The following PHF24 variants were observed in gnomAD, a reference collection of about 807,000 sequenced individuals.
The protein encoded by PHF24 is PHD finger protein 24.
In PHF24, 25 loss-of-function variants were observed where a neutral mutation model predicts 42.6. The ratio of observed to expected loss-of-function variants is 0.59; its 90% CI spans 0.43 to 0.82. PHF24 has a LOEUF of 0.82. PHF24 is among the 40% of genes least tolerant of loss of function. The pLI is 0.00. For synonymous variants in PHF24, 185 were observed against 204.8 expected (o/e 0.90, Z 0.83); for missense variants, 470 against 538.1 (o/e 0.87, Z 1.25).
chr9:34,941,392 A>G, the PHF24 span, among the ~76,000 whole-genome samples: 1 of 152,152 alleles, frequency 6.6e-6, no homozygotes, highest in East Asian at 1.9e-4. Flanking sequence ...TCATGTCTGG[A>G]TGCTAATGCT....
the PHF24 span, among the ~76,000 whole-genome samples, chr9:34,747,068 A>AT: frequency 1.3e-5 from 2 of 152,192 alleles, no homozygotes; most frequent in Non-Finnish European, 2.9e-5. Context: ...GAAGGGGAAA[A>AT]ATATATATAC....
the PHF24 span, among the ~76,000 whole-genome samples, chr9:34,823,056 C>T: frequency 0.011 from 1,684 of 151,206 alleles, 31 homozygotes; most frequent in African/African-American, 0.037. Flanking sequence ...ATTAGCCGGG[C>T]GCGGTGGCGG....
the PHF24 span, among the ~76,000 whole-genome samples, chr9:34,926,008 G>A: frequency 6.6e-6 from 1 of 152,210 alleles, no homozygotes; most frequent in Non-Finnish European, 1.5e-5. This position sits in a 1 kb window ranked among gnomAD's most constrained non-coding sequence, Gnocchi z 4.3. Context: ...TTGGTTTTAG[G>A]AAGATACAGT....
chr9:34,873,692 T>C, the PHF24 span, among the ~76,000 whole-genome samples: 20 of 149,712 alleles, frequency 1.3e-4, no homozygotes, highest in Non-Finnish European at 2.2e-4. Context: ...GTGTGGGCTC[T>C]TTTTTGGTTC....
At chr9:34,699,089 T>C in the PHF24 span, among the ~76,000 whole-genome samples, 4 of 152,242 alleles carry the variant, frequency 2.6e-5, no homozygotes, top group African/African-American at 9.6e-5. Flanking sequence ...AATCATATAG[T>C]TGGATGTGCA....
At chr9:34,820,538 C>T in the PHF24 span, among the ~76,000 whole-genome samples, 1 of 152,146 alleles carries the variant, frequency 6.6e-6, no homozygotes, top group Admixed American at 6.5e-5. Context: ...CTTCCAGCTC[C>T]TCCATGTCCC....
chr9:34,934,384 C>T, the PHF24 span, among the ~76,000 whole-genome samples: 10 of 152,164 alleles, frequency 6.6e-5, no homozygotes, highest in Non-Finnish European at 1.3e-4. Flanking sequence ...TATCTCTATT[C>T]TGTGTGCAGC....
At chr9:34,846,822 A>T in the PHF24 span, among the ~76,000 whole-genome samples, 1 of 152,202 alleles carries the variant, frequency 6.6e-6, no homozygotes, top group African/African-American at 2.4e-5. Flanking sequence ...ACATATGGCT[A>T]GCCAGTTTTC....
At chr9:34,760,371 A>G in the PHF24 span, among the ~76,000 whole-genome samples, 10 of 152,226 alleles carry the variant, frequency 6.6e-5, no homozygotes, top group Non-Finnish European at 7.3e-5. Flanking sequence ...AAGCCTTATG[A>G]AAGAGCTTCG....
At chr9:34,680,627 G>A in the PHF24 span, among the ~76,000 whole-genome samples, 1 of 147,002 alleles carries the variant, frequency 6.8e-6, no homozygotes, top group African/African-American at 2.5e-5. Context: ...GGCGGAGCTT[G>A]CAGTGAGCCG....
At chr9:34,721,399 T>TTCTCTCTCTCTC in the PHF24 span, among the ~76,000 whole-genome samples, 678 of 139,322 alleles carry the variant, frequency 4.9e-3, 14 homozygotes, top group African/African-American at 0.018. Flanking sequence ...TGTCTTTCCA[T>TTCTCTCTCTCTC]TCTCTCTCTC....
At chr9:34,700,675 A>T in the PHF24 span, among the ~76,000 whole-genome samples, 46 of 152,274 alleles carry the variant, frequency 3.0e-4, no homozygotes, top group African/African-American at 1.1e-3. Flanking sequence ...AGCTGAAGAC[A>T]CACATTTGGG....
At position 34,977,064 on chromosome 9, in the gene PHF24, C is replaced by G. The variant is rs1827217226; in HGVS notation, c.850-19C>G. On this transcript the variant is annotated intron_variant, in intron 5 of 7. Transcript: ENST00000242315. ...TACAAGATATCTTCACCTCTAAGAT[C>G]TTGTCTCTTCTTCCCCAGAACTCTC... The G allele has an allele frequency of 1.3e-6, 2 of 1,571,204 alleles. No homozygotes were observed. The highest frequency in any genetic ancestry group is 4.5e-5 in the East Asian group (2 of 44,220).
chr9:34,879,184 T>A, the PHF24 span, among the ~76,000 whole-genome samples: 5 of 151,974 alleles, frequency 3.3e-5, no homozygotes, highest in African/African-American at 1.2e-4. Flanking sequence ...AGAAAGAACA[T>A]CCACACCAAA....
At chr9:34,832,803 T>C in the PHF24 span, 3 of 1,551,500 alleles carry the variant, frequency 1.9e-6, no homozygotes, top group African/African-American at 4.1e-5. Context: ...AGGCTGACCC[T>C]GTGAAGCTGG....
At chr9:34,671,469 T>C in the PHF24 span, among the ~76,000 whole-genome samples, 4 of 152,242 alleles carry the variant, frequency 2.6e-5, no homozygotes, top group African/African-American at 9.6e-5. Flanking sequence ...GCACTTGCAC[T>C]GCAGCCAAGG....
the PHF24 span, among the ~76,000 whole-genome samples, chr9:34,901,959 A>T: frequency 6.6e-5 from 10 of 152,220 alleles, no homozygotes; most frequent in Non-Finnish European, 1.0e-4. Flanking sequence ...ATTGTTAAAA[A>T]ATATTAATTT....
At chr9:34,788,031 CTGTTT>C in the PHF24 span, among the ~76,000 whole-genome samples, 66 of 152,058 alleles carry the variant, frequency 4.3e-4, 2 homozygotes, top group African/African-American at 1.4e-3. Flanking sequence ...TCAGAAGCAA[CTGTTT>C]TGTTTTGTTT....
chr9:34,804,789 C>G, the PHF24 span, among the ~76,000 whole-genome samples: 1 of 152,176 alleles, frequency 6.6e-6, no homozygotes. Context: ...CTGGCATATT[C>G]AGATATGTGC....
Sources: allele counts gnomAD v4.1 joint callset (sites outside exome capture counted in the v4.1 genomes callset), GRCh38; gene constraint gnomAD v4.1.1; non-coding constraint Gnocchi (gnomAD v3.1); transcripts MANE v1.5; gene names NCBI Gene and HGNC (gene_info 2026-07-23, HGNC 2026-07-21).